Variants in EIF4E3 observed in about 807,000 individuals in gnomAD.
EIF4E3 encodes the protein eukaryotic translation initiation factor 4E type 3.
Under a neutral mutation model 31.7 loss-of-function variants are expected in EIF4E3, and 26 were observed. The observed-to-expected ratio is 0.82, with a 90% confidence interval of 0.60 to 1.14. The LOEUF is 1.14. EIF4E3 is among the 50% of genes most tolerant of loss of function. The pLI, the probability that EIF4E3 is intolerant of heterozygous loss-of-function variation, is 0.00. For synonymous variants in EIF4E3, 128 were observed against 107.7 expected (o/e 1.19, Z -1.17); for missense variants, 304 against 270.9 (o/e 1.12, Z -0.86).
chr3:71,705,007 G>T, intron 2 of EIF4E3, among the ~76,000 whole-genome samples: 1 of 152,146 alleles, frequency 6.6e-6, no homozygotes, highest in African/African-American at 2.4e-5. Flanking sequence ...TGTTATACTG[G>T]ATGCAAAGTC....
chr3:71,738,663 A>G (rs2049788784), intron 1 of EIF4E3, among the ~76,000 whole-genome samples: 2 of 152,236 alleles, frequency 1.3e-5, no homozygotes, highest in South Asian at 4.1e-4. Context: ...ACATGAAGCA[A>G]AACTTGACAG....
chr3:71,700,412 T>C (rs541018864), intron 2 of EIF4E3, among the ~76,000 whole-genome samples: 7 of 152,000 alleles, frequency 4.6e-5, no homozygotes, highest in African/African-American at 7.2e-5. Flanking sequence ...TTTGTTACAA[T>C]AGACCCTGTC....
intron 2 of EIF4E3, among the ~76,000 whole-genome samples, chr3:71,701,539 T>C (rs2049216662): frequency 6.6e-6 from 1 of 152,130 alleles, no homozygotes. Flanking sequence ...ATAAGAAATA[T>C]TGTTCTGTGT....
intron 2 of EIF4E3, among the ~76,000 whole-genome samples, chr3:71,702,815 C>G (rs36090610): frequency 0.063 from 9,522 of 151,700 alleles, 448 homozygotes; most frequent in Non-Finnish European, 0.099. Context: ...TGAAGTATGT[C>G]TGCTGGTGAA....
Position 71,692,976 on chromosome 3 carries a change from G to A in EIF4E3, c.472+899C>T, listed in dbSNP as rs556601056. Among the ~76,000 whole-genome samples, 4 of 152,304 alleles carry A rather than the reference G, an allele frequency of 2.6e-5. No individual in the cohort carries two copies. In the South Asian group the frequency reaches 6.2e-4, roughly 24 times the overall value. Reference sequence around the variant, plus strand: ...GAATGATTGGAACTGCTCACGAGATGAATCTGAAATGTGCCCTGGGACTGG... The same window carrying A: ...GAATGATTGGAACTGCTCACGAGATAAATCTGAAATGTGCCCTGGGACTGG... On this transcript the variant is annotated intron_variant, in intron 5 of 6. Transcript: ENST00000425534.
rs554814516 is a variant in EIF4E3, at chr3:71,704,415, G to A, written c.250-4707C>T. 1.2e-3 allele frequency among the ~76,000 whole-genome samples: 180 copies of A among 152,324 alleles called. No homozygotes were observed. In the South Asian group the frequency reaches 0.018, roughly 15 times the overall value. ...CAGAAAAGGCCCTCATTCCTACAGC[G>A]CTGAGCAACATGGCGGTCAGGTCTG... On this transcript the variant is annotated intron_variant, in intron 2 of 6. Coordinates refer to ENST00000425534, the MANE Select transcript of EIF4E3 (RefSeq NM_001134651.2).
chr3:71,697,996 T>A (rs1162121145), intron 3 of EIF4E3, among the ~76,000 whole-genome samples: 1 of 152,232 alleles, frequency 6.6e-6, no homozygotes, highest in Non-Finnish European at 1.5e-5. Flanking sequence ...CATACTGTTC[T>A]CCATAGTTGG....
intron 1 of EIF4E3, among the ~76,000 whole-genome samples, chr3:71,750,006 G>C (rs1009710760): frequency 2.6e-5 from 4 of 152,180 alleles, no homozygotes; most frequent in African/African-American, 9.7e-5. Context: ...CATGATTTAT[G>C]TATTTTCTAC....
chr3:71,699,525 A>T, intron 3 of EIF4E3, 89 bp downstream of exon 3: 1 of 1,183,546 alleles, frequency 8.4e-7, no homozygotes, highest in Non-Finnish European at 1.3e-6. Flanking sequence ...TGTCCATGTG[A>T]GACACACATC....
chr3:71,723,983 A>G (rs1429903774), intron 1 of EIF4E3, among the ~76,000 whole-genome samples: 1 of 152,138 alleles, frequency 6.6e-6, no homozygotes, highest in Non-Finnish European at 1.5e-5. Flanking sequence ...GCTTGTCTTA[A>G]CCAAAAAAAA....
downstream of EIF4E3, among the ~76,000 whole-genome samples, chr3:71,670,769 A>G (rs1311410797): frequency 6.6e-6 from 1 of 152,160 alleles, no homozygotes; most frequent in Non-Finnish European, 1.5e-5. Context: ...CATGAGAAAC[A>G]CTGGATAGCA....
upstream of EIF4E3, among the ~76,000 whole-genome samples, chr3:71,725,581 AAGAC>A (rs2049627298): frequency 6.6e-6 from 1 of 151,568 alleles, no homozygotes; most frequent in South Asian, 2.1e-4. The surrounding 1 kb of genome is among the most constrained non-coding windows in gnomAD (Gnocchi z 6.1). Flanking sequence ...CCGCCGAACA[AAGAC>A]AGACCCACGG....
intron 1 of EIF4E3, among the ~76,000 whole-genome samples, chr3:71,746,009 G>A (rs75068398): frequency 4.6e-5 from 7 of 152,246 alleles, no homozygotes; most frequent in East Asian, 1.9e-4. Context: ...CACCTATGCC[G>A]TTAGCATAAT....
upstream of EIF4E3, among the ~76,000 whole-genome samples, chr3:71,753,800 G>A (rs2049965639): frequency 6.7e-6 from 1 of 148,722 alleles, no homozygotes; most frequent in African/African-American, 2.4e-5. Context: ...CCTGTCCGCA[G>A]TGAAGCCCGC....
intron 1 of EIF4E3, among the ~76,000 whole-genome samples, chr3:71,717,727 C>G (rs2049486568): frequency 6.6e-6 from 1 of 152,144 alleles, no homozygotes; most frequent in Non-Finnish European, 1.5e-5. Flanking sequence ...AATTCAAATC[C>G]TGTTTCTGTT....
intron 1 of EIF4E3, among the ~76,000 whole-genome samples, chr3:71,751,651 G>A (rs1284025686): frequency 6.6e-6 from 1 of 152,186 alleles, no homozygotes; most frequent in Admixed American, 6.5e-5. Flanking sequence ...TTGCTCAAGT[G>A]CTCACTCTCA....
At chr3:71,702,367 T>C (rs2049229956) in intron 2 of EIF4E3, among the ~76,000 whole-genome samples, 1 of 152,138 alleles carries the variant, frequency 6.6e-6, no homozygotes, top group African/African-American at 2.4e-5. Context: ...ACTTCAAGTC[T>C]CCTCAAAGGC....
At chr3:71,663,881 G>A in the EIF4E3 span, among the ~76,000 whole-genome samples, 1 of 152,204 alleles carries the variant, frequency 6.6e-6, no homozygotes, top group Non-Finnish European at 1.5e-5. Context: ...TATACTTGAA[G>A]GGGTGCAGGG....
rs903116774 is a variant in EIF4E3, at chr3:71,683,996, T to C, written c.*686A>G. 6.6e-6 allele frequency: 1 copy of C among 152,238 alleles called. No individual in the cohort carries two copies. The highest frequency in any genetic ancestry group is 1.9e-4 in the East Asian group (1 of 5,202). The allele number at this position is 152,238 out of a possible 1,614,324, so 9.4% of individuals were successfully genotyped here. ...ACTTAGAGCTTGATTTATATCCTGA[T>C]ACTGAATTGTGATTATAGTTTTCAT... On this transcript the variant is annotated 3_prime_UTR_variant, in exon 7 of 7. Transcript: ENST00000425534.
Sources: gnomAD v4.1 joint callset for allele counts (sites outside exome capture counted in the v4.1 genomes callset) on GRCh38, gnomAD v4.1.1 for gene constraint, Gnocchi (gnomAD v3.1) non-coding constraint, MANE v1.5 for transcripts, NCBI Gene and HGNC (gene_info 2026-07-23, HGNC 2026-07-21) for gene names.